Variants in VCAN observed in about 807,000 individuals in gnomAD.
The protein encoded by VCAN is versican core protein.
VCAN carries 44 observed loss-of-function variants against 245.5 expected under a neutral mutation model. The observed-to-expected ratio is 0.18, with a 90% CI of 0.14 to 0.23. VCAN has a LOEUF of 0.23. Among genes scored for constraint, VCAN ranks in the 10% least tolerant of loss-of-function variants. The pLI is 1.00. For synonymous variants in VCAN, 1,413 were observed against 1,437.0 expected (o/e 0.98, Z 0.38); for missense variants, 3,793 against 4,057.9 (o/e 0.93, Z 1.77).
intron 8 of VCAN, among the ~76,000 whole-genome samples, chr5:83,544,066 G>A (rs1747105444): frequency 6.6e-6 from 1 of 152,222 alleles, no homozygotes; most frequent in Non-Finnish European, 1.5e-5. Context: ...CATTTGTGTG[G>A]CACATCACAG....
rs747678314 is a variant in VCAN, at chr5:83,540,476, T to A, written c.7473T>A (p.Leu2491=). ...GFPTVSVMLP[L]HSEQNKSSPD... ...CAACAGTTTCAGTGATGCTGCCTCT[T>A]CATTCAGAGCAGAACAAAAGCTCCC... The change falls in exon 8 of 15, where the codon CTT becomes CTA. Residue 2491 remains leucine, a synonymous_variant. Coordinates refer to ENST00000265077, the MANE Select transcript of VCAN (RefSeq NM_004385.5). The A allele has an allele frequency of 2.8e-5, 45 of 1,613,800 alleles. No homozygotes were observed. Among genetic ancestry groups the A allele is most frequent in the Non-Finnish European group, 3.8e-5 (45 of 1,179,928 alleles).
At position 83,575,256 on chromosome 5, in the gene VCAN, G is replaced by A. The variant is rs149773422; in HGVS notation, c.9880+2696G>A. Among the ~76,000 whole-genome samples, 263 of 152,250 alleles carry A rather than the reference G, an allele frequency of 1.7e-3. 3 individuals carry two copies. The highest frequency in any genetic ancestry group is 6.0e-3 in the African/African-American group (248 of 41,564). ...AAAGTCAGCTGTTAGCAATAAGTAC[G>A]TTAGTCTGCTGTTTTCTCACCCAAG... On this transcript the variant is annotated intron_variant, in intron 13 of 14. Transcript: ENST00000265077.
At position 83,521,511 on chromosome 5, in the gene VCAN, G is replaced by A. The variant is rs377090663; in HGVS notation, c.3205G>A (p.Asp1069Asn). Residue 1069 changes from aspartate to asparagine, a missense_variant, in exon 7 of 15, where the codon GAT becomes AAT. Coordinates refer to ENST00000265077, the MANE Select transcript of VCAN (RefSeq NM_004385.5). ...AACACCACTGGATGAACAAGAGGGC[G>A]ATGGATCAGCATATACAGTCTCTGA... ...AVTPLDEQEG[D>N]GSAYTVSEDE... 2.3e-5 allele frequency: 37 copies of A among 1,613,918 alleles called. No homozygotes were observed. The East Asian group carries it at 2.7e-4, about 12-fold the overall frequency.
At chr5:83,505,183 A>G (rs1745447768) in intron 5 of VCAN, among the ~76,000 whole-genome samples, 1 of 152,070 alleles carries the variant, frequency 6.6e-6, no homozygotes, top group African/African-American at 2.4e-5. Flanking sequence ...TTCAAAACCA[A>G]TCATGCCTTC....
Position 83,558,429 on chromosome 5 carries a change from AT to A in VCAN, c.9735+3398del, listed in dbSNP as rs574711772. ...CCTCTTCCACACCCTCTCTATCTCC[AT>A]TTTTTTCTTTGAAAGATTTATTAGA... On this transcript the variant is annotated intron_variant, in intron 12 of 14. Transcript: ENST00000265077. Among the ~76,000 whole-genome samples, 3 of 151,796 alleles carry A rather than the reference AT, an allele frequency of 2.0e-5. No homozygotes were observed. In the South Asian group the frequency reaches 6.3e-4, roughly 32 times the overall value.
Position 83,541,721 on chromosome 5 carries a change from A to G in VCAN, c.8718A>G (p.Lys2906=), listed in dbSNP as rs1747001811. The G allele has an allele frequency of 1.2e-6, 2 of 1,613,912 alleles. No homozygotes were observed. The highest frequency in any genetic ancestry group is 1.7e-5 in the Admixed American group (1 of 59,998). ...TKLEPSEDDG[K]PELLEEMEAS... is the part of the protein sequence containing the mutation. ...TAGAACCTTCAGAAGATGATGGTAA[A>G]CCTGAGTTATTAGAAGAAATGGAAG... Residue 2906 remains lysine (K), a synonymous_variant, in exon 8 of 15, where the codon AAA becomes AAG. Coordinates refer to ENST00000265077, the MANE Select transcript of VCAN (RefSeq NM_004385.5).
In VCAN at chr5:83,539,451, C is replaced by T; in HGVS notation, c.6448C>T (p.Leu2150Phe). The change falls in exon 8 of 15, where the codon CTC becomes TTC. Residue 2150 changes from leucine (L) to phenylalanine (F), a missense_variant. Leu to Phe is a conservative substitution (Grantham distance 22, BLOSUM62 0). Transcript: ENST00000265077. The part of the protein sequence containing the change: ...FDSQTFTETE[L>F]KTTDYSVLTT... ...TTCACAGACATTTACTGAAACTGAA[C>T]TCAAAACCACAGATTATTCTGTACT... is the stretch of plus-strand genomic sequence containing the variant. 1.2e-6 allele frequency: 2 copies of T among 1,613,348 alleles called. No individual in the cohort carries two copies.
intron 5 of VCAN, among the ~76,000 whole-genome samples, chr5:83,507,850 A>G (rs1745528276): frequency 6.6e-6 from 1 of 152,226 alleles, no homozygotes. Flanking sequence ...ATCAATAGAA[A>G]CTTTGAAAAT....
chr5:83,551,134 G>C (rs574805495), intron 10 of VCAN, among the ~76,000 whole-genome samples: 1 of 152,014 alleles, frequency 6.6e-6, no homozygotes, highest in Non-Finnish European at 1.5e-5. Flanking sequence ...ACTGTTAGTA[G>C]TGAAGTGGTC....
chr5:83,506,827 GTGAAAGGC>G (rs980305123), intron 5 of VCAN, among the ~76,000 whole-genome samples: 2 of 152,164 alleles, frequency 1.3e-5, no homozygotes, highest in Non-Finnish European at 2.9e-5. Context: ...TTGGCGAGAG[GTGAAAGGC>G]ACTTCTTACA....
intron 2 of VCAN, among the ~76,000 whole-genome samples, chr5:83,487,960 A>C (rs1338075497): frequency 1.3e-5 from 2 of 152,206 alleles, no homozygotes; most frequent in East Asian, 3.8e-4. Context: ...CATGATAAAG[A>C]GTTTCAAAAT....
At position 83,540,709 on chromosome 5, in the gene VCAN, A is replaced by C; in HGVS notation, c.7706A>C (p.Glu2569Ala). 1 of 1,614,018 alleles carries C rather than the reference A, an allele frequency of 6.2e-7. No homozygotes were observed. Among genetic ancestry groups the C allele is most frequent in the Non-Finnish European group, 8.5e-7 (1 of 1,179,976 alleles). The change falls in exon 8 of 15, where the codon GAG (glutamate) becomes GCG (alanine). Residue 2569 changes from glutamate to alanine, a missense_variant. This residue lies in a region of VCAN where 3,182 missense variants were observed against 3,250.3 expected (regional missense o/e 0.98). Transcript: ENST00000265077. ...TESTILEILPELTSDKNTIID... is the reference protein window; with the variant it reads ...TESTILEILPALTSDKNTIID... ...AGTACCATCCTTGAAATTCTACCTG[A>C]GCTGACATCGGATAAAAATACTATC... is the stretch of plus-strand genomic sequence containing the variant.
At chr5:83,532,555 A>T (rs774655340) in intron 7 of VCAN, among the ~76,000 whole-genome samples, 9 of 152,004 alleles carry the variant, frequency 5.9e-5, no homozygotes, top group Non-Finnish European at 1.2e-4. Flanking sequence ...CTCTCCTTCA[A>T]ACTGATATTA....
intron 7 of VCAN, among the ~76,000 whole-genome samples, chr5:83,533,649 G>A (rs1746603201): frequency 6.6e-6 from 1 of 152,134 alleles, no homozygotes; most frequent in South Asian, 2.1e-4. Flanking sequence ...TTTGTGAAAT[G>A]TATGCAAAGA....
chr5:83,538,492 C>T lies in VCAN; in HGVS notation c.5489C>T (p.Ser1830Phe), dbSNP rs141725839. Reference protein sequence around the residue: ...GLTTLPRSPASVFMEQGSGEA... With the variant: ...GLTTLPRSPAFVFMEQGSGEA... ...ACCACTCTCCCACGTAGTCCTGCCTCTGTCTTTATGGAGCAGGGCTCTGGA... is the reference window on the plus strand; with the variant it reads ...ACCACTCTCCCACGTAGTCCTGCCTTTGTCTTTATGGAGCAGGGCTCTGGA... The change falls in exon 8 of 15, where the codon TCT becomes TTT. Residue 1830 changes from serine to phenylalanine, a missense_variant. This residue lies in a region of VCAN where 3,182 missense variants were observed against 3,250.3 expected (regional missense o/e 0.98). Transcript: ENST00000265077. 191 of 1,613,976 alleles carry T rather than the reference C, an allele frequency of 1.2e-4. No homozygotes were observed. Among genetic ancestry groups the T allele is most frequent in the Non-Finnish European group, 1.5e-4 (176 of 1,179,970 alleles).
intron 10 of VCAN, among the ~76,000 whole-genome samples, chr5:83,548,706 G>T (rs1747335186): frequency 6.6e-6 from 1 of 152,224 alleles, no homozygotes; most frequent in South Asian, 2.1e-4. Flanking sequence ...AGCATTTCTT[G>T]GTCCATCAAT....
chr5:83,492,316 G>A (rs1162099654), intron 3 of VCAN, among the ~76,000 whole-genome samples: 1 of 152,156 alleles, frequency 6.6e-6, no homozygotes, highest in African/African-American at 2.4e-5. Flanking sequence ...AATTACTAGG[G>A]ATAAGAAGAG....
rs1580046328 is a variant in VCAN at position 83,539,615 on chromosome 5, T to C, written c.6612T>C (p.His2204=). The change falls in exon 8 of 15, where the codon CAT becomes CAC. Residue 2204 remains histidine (H), a synonymous_variant. Coordinates refer to ENST00000265077, the MANE Select transcript of VCAN (RefSeq NM_004385.5). ...TCCCTGAAGCTACTGAAAAGTCACATTTTTTCTTAGCTACTGCATTAGTAA... is the reference window on the plus strand; with the variant it reads ...TCCCTGAAGCTACTGAAAAGTCACACTTTTTCTTAGCTACTGCATTAGTAA... The part of the protein sequence containing the change: ...TTLPEATEKS[H]FFLATALVTE... 2 of 1,614,070 alleles carry C rather than the reference T, an allele frequency of 1.2e-6. No individual in the cohort carries two copies. Among genetic ancestry groups the C allele is most frequent in the East Asian group, 2.2e-5 (1 of 44,848 alleles).
chr5:83,538,001 T>C lies in VCAN; in HGVS notation c.4998T>C (p.Asp1666=). ...VTDLSQRNTT[D]TLITLDTSRI... ...ATTTATCACAGAGAAATACTACTGATACACTCATTACTTTAGACACTAGCA... is the reference window on the plus strand; with the variant it reads ...ATTTATCACAGAGAAATACTACTGACACACTCATTACTTTAGACACTAGCA... The change falls in exon 8 of 15, where the codon GAT becomes GAC. Residue 1666 remains aspartate, a synonymous_variant. Transcript: ENST00000265077. 6.2e-7 allele frequency: 1 copy of C among 1,613,946 alleles called. No individual in the cohort carries two copies. The highest frequency in any genetic ancestry group is 8.5e-7 in the Non-Finnish European group (1 of 1,179,962).
Sources: allele counts gnomAD v4.1 joint callset (sites outside exome capture counted in the v4.1 genomes callset), GRCh38; gene constraint gnomAD v4.1.1; regional missense constraint gnomAD v4.1.1; transcripts MANE v1.5; gene names NCBI Gene and HGNC (gene_info 2026-07-23, HGNC 2026-07-21).